GPC6: variants seen among roughly 807,000 people sequenced by gnomAD.
The protein encoded by GPC6 is glypican-6.
A neutral mutation model predicts 55.2 loss-of-function variants in GPC6; 14 were observed. The observed-to-expected ratio is 0.25, with a 90% confidence interval of 0.17 to 0.40. The LOEUF is 0.40. Among genes scored for constraint, GPC6 ranks in the 10% least tolerant of loss-of-function variants. The pLI, the probability that GPC6 is intolerant of heterozygous loss-of-function variation, is 1.00. For missense variants in GPC6, 641 were observed against 708.5 expected, an observed-to-expected ratio of 0.90 and a Z score of 1.08; for synonymous variants, 278 against 259.6, an observed-to-expected ratio of 1.07 and a Z score of -0.68.
chr13:93,889,137 A>C (rs1206603087), intron 3 of GPC6, among the ~76,000 whole-genome samples: 2 of 152,064 alleles, frequency 1.3e-5, no homozygotes, highest in African/African-American at 4.8e-5. Context: ...TCTAGATCCT[A>C]ATAAGGGGAA....
At chr13:94,144,979 C>T (rs775303321) in intron 4 of GPC6, among the ~76,000 whole-genome samples, 2 of 151,982 alleles carry the variant, frequency 1.3e-5, no homozygotes, top group Non-Finnish European at 2.9e-5. Context: ...CTTTGGAGAC[C>T]TTATTGCTTA....
chr13:93,644,766 GTAAATAAATAAATAAATAAA>G (rs58920250), intron 2 of GPC6, among the ~76,000 whole-genome samples: 4 of 143,262 alleles, frequency 2.8e-5, no homozygotes, highest in Admixed American at 1.4e-4. Context: ...GCCATCAAGA[GTAAATAAATAAATAAATAAA>G]TAAATAAATA....
At chr13:94,094,095 T>C (rs1234542595) in intron 4 of GPC6, among the ~76,000 whole-genome samples, 1 of 152,014 alleles carries the variant, frequency 6.6e-6, no homozygotes, top group Non-Finnish European at 1.5e-5. Context: ...GCTAAGTTTA[T>C]ATGAGGGTAT....
intron 1 of GPC6, among the ~76,000 whole-genome samples, chr13:93,503,306 T>G (rs1880589647): frequency 6.6e-6 from 1 of 152,240 alleles, no homozygotes. Context: ...CACAAGTTAT[T>G]TGTTGCTGTG....
intron 4 of GPC6, among the ~76,000 whole-genome samples, chr13:94,142,693 A>G (rs531019935): frequency 6.7e-4 from 102 of 152,268 alleles, no homozygotes; most frequent in Non-Finnish European, 1.1e-3. Flanking sequence ...CTTAGCTTAC[A>G]GAATATTATC....
chr13:94,364,348 G>T (rs1027388406), intron 6 of GPC6, among the ~76,000 whole-genome samples: 5 of 152,144 alleles, frequency 3.3e-5, no homozygotes, highest in Non-Finnish European at 5.9e-5. Flanking sequence ...CCTGGTTGGT[G>T]CCCCATGGGG....
chr13:93,868,983 G>C (rs1315143855), intron 3 of GPC6, among the ~76,000 whole-genome samples: 1 of 151,770 alleles, frequency 6.6e-6, no homozygotes, highest in East Asian at 2.0e-4. Flanking sequence ...ATTGAGTAAG[G>C]CAGTCTTCCT....
intron 4 of GPC6, among the ~76,000 whole-genome samples, chr13:94,268,860 G>A (rs1420674823): frequency 6.6e-6 from 1 of 152,100 alleles, no homozygotes; most frequent in Non-Finnish European, 1.5e-5. Context: ...AATTCTGGAA[G>A]CATTTCCTGG....
At chr13:93,306,227 T>C (rs1458192714) in intron 1 of GPC6, among the ~76,000 whole-genome samples, 2 of 152,180 alleles carry the variant, frequency 1.3e-5, no homozygotes, top group Non-Finnish European at 2.9e-5. Context: ...GATTGAAATG[T>C]AAAGACAAAT....
rs1025684059 is a variant in GPC6, at chr13:93,554,109, C to T, written c.319+8688C>T. On this transcript the variant is annotated intron_variant, in intron 2 of 8. Transcript: ENST00000377047. ...GTTGCAGTGGGCCAAGATTGTGCCACAGCACTCCAGCCTGGGCAACAGAGT... is the reference window on the plus strand; with the variant it reads ...GTTGCAGTGGGCCAAGATTGTGCCATAGCACTCCAGCCTGGGCAACAGAGT... Among the ~76,000 whole-genome samples the T allele has an allele frequency of 3.4e-5, 5 of 148,656 alleles. No individual in the cohort carries two copies. In the East Asian group the frequency reaches 1.0e-3, roughly 30 times the overall value.
intron 1 of GPC6, among the ~76,000 whole-genome samples, chr13:93,373,035 T>C (rs1874740564): frequency 6.6e-6 from 1 of 152,170 alleles, no homozygotes; most frequent in African/African-American, 2.4e-5. Context: ...TACAGAATGT[T>C]AGCCACCCTG....
chr13:93,742,830 G>A (rs1206915463), intron 2 of GPC6, among the ~76,000 whole-genome samples: 1 of 152,088 alleles, frequency 6.6e-6, no homozygotes. Flanking sequence ...AAACAAACCA[G>A]ATGAATATTA....
intron 3 of GPC6, among the ~76,000 whole-genome samples, chr13:93,914,788 A>G (rs1425707219): frequency 6.6e-6 from 1 of 152,216 alleles, no homozygotes; most frequent in Admixed American, 6.5e-5. Context: ...AGAGAAAAAA[A>G]TTAAGGACTG....
intron 3 of GPC6, among the ~76,000 whole-genome samples, chr13:93,900,124 C>T (rs1053108744): frequency 1.2e-4 from 18 of 151,844 alleles, no homozygotes; most frequent in African/African-American, 3.4e-4. Flanking sequence ...TTCATTTTGC[C>T]GGACTATCTG....
intron 1 of GPC6, among the ~76,000 whole-genome samples, chr13:93,326,418 A>G (rs1184661460): frequency 6.6e-6 from 1 of 151,882 alleles, no homozygotes; most frequent in African/African-American, 2.4e-5. Flanking sequence ...GCTGGTTAAG[A>G]ATATCTACAT....
intron 4 of GPC6, among the ~76,000 whole-genome samples, chr13:94,139,270 A>G (rs1887288176): frequency 6.6e-6 from 1 of 152,180 alleles, no homozygotes; most frequent in South Asian, 2.1e-4. Context: ...CCTTACATAC[A>G]CTATGCATGT....
intron 4 of GPC6, among the ~76,000 whole-genome samples, chr13:94,253,917 T>C (rs1239648523): frequency 6.6e-6 from 1 of 152,196 alleles, no homozygotes; most frequent in Non-Finnish European, 1.5e-5. Flanking sequence ...TTAAAGGTCA[T>C]TAATTTGCAC....
chr13:94,366,387 A>G (rs531273156), intron 6 of GPC6, among the ~76,000 whole-genome samples: 1 of 152,226 alleles, frequency 6.6e-6, no homozygotes, highest in East Asian at 1.9e-4. Context: ...CTTGTTAGCT[A>G]TATCAGGAAA....
At chr13:94,001,930 A>G (rs1881822750) in intron 3 of GPC6, among the ~76,000 whole-genome samples, 1 of 152,130 alleles carries the variant, frequency 6.6e-6, no homozygotes, top group South Asian at 2.1e-4. Context: ...ACTGTTGGAA[A>G]AGTGCTGGAG....
Sources: gnomAD v4.1 joint callset for allele counts (sites outside exome capture counted in the v4.1 genomes callset) on GRCh38, gnomAD v4.1.1 for gene constraint, MANE v1.5 for transcripts, NCBI Gene and HGNC (gene_info 2026-07-23, HGNC 2026-07-21) for gene names.